The following FLT1 variants were observed in gnomAD, a reference collection of about 807,000 sequenced individuals.
FLT1 encodes the protein fms related receptor tyrosine kinase 1, also known as vascular endothelial growth factor receptor 1.
In FLT1, 49 loss-of-function variants were observed where a neutral mutation model predicts 156.3. The observed-to-expected ratio is 0.31, with a 90% CI of 0.25 to 0.40. The LOEUF is 0.40. FLT1 is among the 10% of genes least tolerant of loss of function. The probability of loss-of-function intolerance (pLI) is 1.00; values close to 1 mark genes in which losing one functional copy is unlikely to be tolerated. For missense variants in FLT1, 1,322 were observed against 1,637.2 expected (o/e 0.81, Z 3.32); for synonymous variants, 594 against 583.8 (o/e 1.02, Z -0.25).
At chr13:28,374,457 C>A (rs1181765111) in intron 14 of FLT1, among the ~76,000 whole-genome samples, 1 of 151,644 alleles carries the variant, frequency 6.6e-6, no homozygotes, top group Non-Finnish European at 1.5e-5. Context: ...AGAAAAAACC[C>A]AAAAAAACCC....
intron 1 of FLT1, among the ~76,000 whole-genome samples, chr13:28,476,965 T>A (rs1327205326): frequency 4.6e-5 from 7 of 152,196 alleles, no homozygotes; most frequent in Non-Finnish European, 1.5e-5. Context: ...AAGTCTAAAA[T>A]CATCAAAACT....
At chr13:28,441,592 A>G (rs1878337094) in intron 3 of FLT1, among the ~76,000 whole-genome samples, 2 of 152,144 alleles carry the variant, frequency 1.3e-5, no homozygotes, top group Admixed American at 6.5e-5. Flanking sequence ...ACTATCAAAA[A>G]TATAAATATA....
intron 14 of FLT1, among the ~76,000 whole-genome samples, chr13:28,359,445 G>A (rs1432885737): frequency 1.3e-5 from 2 of 152,148 alleles, no homozygotes; most frequent in African/African-American, 4.8e-5. Flanking sequence ...AGAAGAAAAT[G>A]TGGGGGAAAA....
intron 11 of FLT1, among the ~76,000 whole-genome samples, chr13:28,397,695 T>C (rs542484191): frequency 2.0e-5 from 3 of 152,102 alleles, no homozygotes; most frequent in African/African-American, 4.8e-5. Context: ...CTTGAAACTT[T>C]TTTTCTATGC....
At chr13:28,462,896 C>T (rs964835862) in intron 3 of FLT1, among the ~76,000 whole-genome samples, 52 of 152,190 alleles carry the variant, frequency 3.4e-4, no homozygotes, top group African/African-American at 1.1e-3. Context: ...CTCAGTCTTG[C>T]CCCTTCCGAC....
intron 10 of FLT1, among the ~76,000 whole-genome samples, chr13:28,408,963 A>G (rs1486609131): frequency 6.6e-6 from 1 of 152,240 alleles, no homozygotes; most frequent in Non-Finnish European, 1.5e-5. Flanking sequence ...TGGACCTGAA[A>G]CAACTTAATT....
chr13:28,445,661 T>TAAC (rs140487705), intron 3 of FLT1, among the ~76,000 whole-genome samples: 3,666 of 151,794 alleles, frequency 0.024, 85 homozygotes, highest in African/African-American at 0.063. Flanking sequence ...GATTGAATTG[T>TAAC]AACAACAACA....
intron 20 of FLT1, 99 bp from the exon 21 acceptor site, chr13:28,323,045 C>G: frequency 1.6e-6 from 2 of 1,268,210 alleles, no homozygotes; most frequent in Non-Finnish European, 2.3e-6. Flanking sequence ...GAAATGAGAG[C>G]GTTTCACTTC....
At chr13:28,409,160 C>T (rs1424955148) in intron 10 of FLT1, among the ~76,000 whole-genome samples, 2 of 152,082 alleles carry the variant, frequency 1.3e-5, no homozygotes, top group Non-Finnish European at 2.9e-5. Context: ...AACTGCCACC[C>T]TCTATATATG....
intron 1 of FLT1, among the ~76,000 whole-genome samples, chr13:28,472,148 C>T (rs1880213457): frequency 2.0e-5 from 3 of 152,200 alleles, no homozygotes; most frequent in Admixed American, 6.5e-5. Context: ...TCTCTCCTTT[C>T]GCACATGCTA....
intron 15 of FLT1, among the ~76,000 whole-genome samples, chr13:28,356,564 C>CA: frequency 6.6e-6 from 1 of 152,146 alleles, no homozygotes; most frequent in South Asian, 2.1e-4. Context: ...TCTTTAAAAT[C>CA]ATCTCCTTGT....
At position 28,312,110 on chromosome 13, in the gene FLT1, A is replaced by C. The variant is rs766614727; in HGVS notation, c.3387-12T>G. 1 of 1,531,866 alleles carries C rather than the reference A, an allele frequency of 6.5e-7. No homozygotes were observed. Among genetic ancestry groups the C allele is most frequent in the African/African-American group, 1.4e-5 (1 of 73,434 alleles). The allele number at this position is 1,531,866 out of a possible 1,614,324, so 94.9% of individuals were successfully genotyped here. On this transcript the variant is annotated splice_polypyrimidine_tract_variant and intron_variant, in intron 25 of 29. Transcript: ENST00000282397. The stretch of plus-strand genomic sequence containing the variant: ...GCATGATCTGATAGCTGGTGGGGAA[A>C]ACAGCAACAGAAATAGTTGGAGAGC...
intron 16 of FLT1, among the ~76,000 whole-genome samples, chr13:28,342,279 CT>C (rs1306564724): frequency 3.9e-5 from 6 of 152,156 alleles, no homozygotes; most frequent in African/African-American, 1.4e-4. Flanking sequence ...GGCTGTTTTT[CT>C]GCTTCTTTCC....
At chr13:28,365,595 G>A (rs899607415) in intron 14 of FLT1, among the ~76,000 whole-genome samples, 7 of 152,158 alleles carry the variant, frequency 4.6e-5, no homozygotes, top group South Asian at 4.1e-4. Flanking sequence ...CAAGTGATTC[G>A]CCAACCTTGG....
intron 14 of FLT1, 122 bp downstream of exon 14, chr13:28,384,763 T>G: frequency 1.1e-6 from 1 of 928,656 alleles, no homozygotes; most frequent in Non-Finnish European, 1.8e-6. Flanking sequence ...CAGATCCCAG[T>G]GTTTGGGGCT....
intron 3 of FLT1, among the ~76,000 whole-genome samples, chr13:28,463,910 G>C (rs1261426838): frequency 2.0e-5 from 3 of 152,176 alleles, no homozygotes; most frequent in Non-Finnish European, 4.4e-5. Context: ...GTGTGATTAT[G>C]AGACCAATAT....
intron 10 of FLT1, among the ~76,000 whole-genome samples, chr13:28,417,844 A>G (rs956202005): frequency 6.6e-6 from 1 of 151,712 alleles, no homozygotes; most frequent in Non-Finnish European, 1.5e-5. Context: ...GCCGAGGCTG[A>G]AATTAGCAGC....
chr13:28,403,375 C>A (rs557284035), intron 11 of FLT1, among the ~76,000 whole-genome samples: 1 of 152,248 alleles, frequency 6.6e-6, no homozygotes, highest in South Asian at 2.1e-4. Flanking sequence ...TTGGGACGTT[C>A]TTTTATCATG....
At chr13:28,387,699 T>C (rs1207923750) in intron 13 of FLT1, 3 of 1,059,912 alleles carry the variant, frequency 2.8e-6, no homozygotes, top group Non-Finnish European at 3.4e-6. Flanking sequence ...GCTCCTTTTT[T>C]CTCCTTTTTT....
Sources: gnomAD v4.1 joint callset for allele counts (sites outside exome capture counted in the v4.1 genomes callset) on GRCh38, gnomAD v4.1.1 for gene constraint, MANE v1.5 for transcripts, NCBI Gene and HGNC (gene_info 2026-07-23, HGNC 2026-07-21) for gene names.